The following DLC1 variants were observed in gnomAD, a reference collection of about 807,000 sequenced individuals.
DLC1 encodes DLC1 Rho GTPase activating protein.
DLC1 carries 54 observed loss-of-function variants against 140.3 expected under a neutral mutation model. That is an observed-to-expected ratio of 0.38 (90% confidence interval 0.31 to 0.48). The LOEUF is 0.48. Ranked by LOEUF, DLC1 falls within the 20% of genes least tolerant of loss-of-function variation. The pLI, the probability that DLC1 is intolerant of heterozygous loss-of-function variation, is 0.96. For missense variants in DLC1, 2,536 were observed against 1,907.0 expected (o/e 1.33, Z -6.14); for synonymous variants, 986 against 728.1 (o/e 1.35, Z -5.70).
upstream of DLC1, among the ~76,000 whole-genome samples, chr8:13,518,791 G>GT (rs965158856): frequency 1.3e-5 from 2 of 152,096 alleles, no homozygotes; most frequent in African/African-American, 4.8e-5. Context: ...CATGCATACA[G>GT]TTAGTGTAAT....
intron 2 of DLC1, among the ~76,000 whole-genome samples, chr8:13,411,535 C>A (rs1228520357): frequency 6.6e-6 from 1 of 152,128 alleles, no homozygotes; most frequent in Non-Finnish European, 1.5e-5. Context: ...CTGATGTAAA[C>A]TATGAACTTT....
intron 4 of DLC1, among the ~76,000 whole-genome samples, chr8:13,356,224 C>A (rs186705478): frequency 4.4e-4 from 67 of 151,522 alleles, no homozygotes; most frequent in Middle Eastern, 3.4e-3. Context: ...AGCATTTGGC[C>A]AACTTCTATA....
chr8:13,579,523 T>C lies in DLC1; in HGVS notation c.-126+25014A>G, dbSNP rs1193699441. Among the ~76,000 whole-genome samples, 552 of 73,630 alleles carry C rather than the reference T, an allele frequency of 7.5e-3. 37 individuals are homozygous for C. Among genetic ancestry groups the C allele is most frequent in the African/African-American group, 9.4e-3 (183 of 19,540 alleles). The allele number at this position is 73,630 out of a possible 152,430, so 48.3% of individuals were successfully genotyped here. On this transcript the variant is annotated intron_variant, in intron 1 of 1. Transcript: ENST00000631382. ...ATTTTATATTATATATTTAATATAT[T>C]ATATTTTATATTATATATTTAATAT...
chr8:13,529,266 G>A (rs1044755486), intron 1 of DLC1, among the ~76,000 whole-genome samples: 16 of 152,192 alleles, frequency 1.1e-4, no homozygotes, highest in Admixed American at 3.3e-4. Flanking sequence ...GTGTAAGACA[G>A]TGTAATTAGG....
chr8:13,442,959 G>C (rs1412883441), intron 2 of DLC1, among the ~76,000 whole-genome samples: 1 of 152,200 alleles, frequency 6.6e-6, no homozygotes, highest in Non-Finnish European at 1.5e-5. Flanking sequence ...CAACCCAAAT[G>C]TCCAACAATG....
At chr8:13,501,666 G>T (rs1201910271) in intron 1 of DLC1, among the ~76,000 whole-genome samples, 1 of 152,126 alleles carries the variant, frequency 6.6e-6, no homozygotes, top group Non-Finnish European at 1.5e-5. Context: ...ATTGACATGT[G>T]CTAGAATTTT....
chr8:13,169,308 A>C (rs1404096687), intron 5 of DLC1, among the ~76,000 whole-genome samples: 1 of 152,184 alleles, frequency 6.6e-6, no homozygotes, highest in Non-Finnish European at 1.5e-5. Flanking sequence ...ATATTCAGGG[A>C]TTTAAATCCT....
chr8:13,597,698 T>C (rs1388873382), intron 1 of DLC1, among the ~76,000 whole-genome samples: 1 of 152,042 alleles, frequency 6.6e-6, no homozygotes, highest in Non-Finnish European at 1.5e-5. Context: ...GACATTATGA[T>C]ACAGAAAATG....
intron 4 of DLC1, among the ~76,000 whole-genome samples, chr8:13,383,310 T>A (rs929815289): frequency 6.6e-6 from 1 of 152,142 alleles, no homozygotes; most frequent in African/African-American, 2.4e-5. Context: ...AATGAGAGGG[T>A]CTACGGTTGT....
At position 13,345,547 on chromosome 8, in the gene DLC1, CTTTTTT is replaced by C. The variant is rs535092622; in HGVS notation, c.1315-40251_1315-40246del. On this transcript the variant is annotated intron_variant, in intron 4 of 17. Transcript: ENST00000276297. ...GATTATCTGAAATTTTTCACTCACA[CTTTTTT>C]TTTTTTTTTTTTTTTTTGGAGATGG... Among the ~76,000 whole-genome samples, 32 of 67,516 alleles carry C rather than the reference CTTTTTT, an allele frequency of 4.7e-4. 1 individual carries two copies. The highest frequency in any genetic ancestry group is 2.6e-3 in the East Asian group (5 of 1,888). 44.3% of individuals were successfully genotyped at this position (67,516 alleles called of 152,430 possible). A position where few individuals can be genotyped will look rare whatever the true frequency, so the allele number is the denominator to read the frequency against.
chr8:13,477,429 A>G (rs139718291), intron 2 of DLC1, among the ~76,000 whole-genome samples: 136 of 152,318 alleles, frequency 8.9e-4, no homozygotes, highest in African/African-American at 3.0e-3. Context: ...TGTACATTGT[A>G]TTTCTATAAG....
intron 4 of DLC1, among the ~76,000 whole-genome samples, chr8:13,376,266 T>A (rs747032365): frequency 3.3e-5 from 5 of 152,212 alleles, no homozygotes; most frequent in Non-Finnish European, 5.9e-5. Flanking sequence ...GTTATTTACT[T>A]GCTTTCTTTG....
intron 5 of DLC1, among the ~76,000 whole-genome samples, chr8:13,200,511 G>T (rs867241787): frequency 6.6e-6 from 1 of 152,138 alleles, no homozygotes; most frequent in Non-Finnish European, 1.5e-5. Flanking sequence ...AATAAAAGTA[G>T]ACTTAAATAC....
At chr8:13,548,757 A>T (rs773823902) in intron 1 of DLC1, among the ~76,000 whole-genome samples, 1 of 152,086 alleles carries the variant, frequency 6.6e-6, no homozygotes, top group Non-Finnish European at 1.5e-5. Flanking sequence ...ACATCAAGAT[A>T]GCCAGTAAAG....
chr8:13,438,094 C>A (rs1472038580), intron 2 of DLC1, among the ~76,000 whole-genome samples: 1 of 148,986 alleles, frequency 6.7e-6, no homozygotes, highest in Non-Finnish European at 1.5e-5. Flanking sequence ...CAATACTTTT[C>A]TCTAAAGCAA....
At chr8:13,188,132 G>A (rs1018077088) in intron 5 of DLC1, among the ~76,000 whole-genome samples, 2 of 140,286 alleles carry the variant, frequency 1.4e-5, no homozygotes, top group Admixed American at 1.6e-4. Context: ...TGCGCAGGCT[G>A]GAGTGCAATG....
Position 13,393,808 on chromosome 8 carries a change from A to G in DLC1, c.1174-115T>C, listed in dbSNP as rs946468056. ...TTCTCCCAGTGCACACTGATACACT[A>G]AAGAGTTGCTGACAACTGACAGTGA... On this transcript the variant is annotated intron_variant, in intron 3 of 17. Transcript: ENST00000276297. 23 of 1,251,702 alleles carry G rather than the reference A, an allele frequency of 1.8e-5. No homozygotes were observed. In the South Asian group the frequency reaches 1.9e-4, roughly 10 times the overall value. The allele number at this position is 1,251,702 out of a possible 1,614,324, so 77.5% of individuals were successfully genotyped here.
At chr8:13,529,099 A>G (rs1030484815) in intron 1 of DLC1, among the ~76,000 whole-genome samples, 1 of 152,232 alleles carries the variant, frequency 6.6e-6, no homozygotes, top group South Asian at 2.1e-4. Context: ...ACGATGTATA[A>G]GCGAACAGAA....
chr8:13,102,779 T>C lies in DLC1; in HGVS notation c.1566+11A>G. On this transcript the variant is annotated intron_variant, in intron 8 of 17. Transcript: ENST00000276297. ...TTCCCCCTCATTCTATTATGCAATT[T>C]GTATACTCACTCGTTTCCGATGAGG... 6.2e-7 allele frequency: 1 copy of C among 1,612,982 alleles called. No homozygotes were observed.
Sources: gnomAD v4.1 joint callset for allele counts (sites outside exome capture counted in the v4.1 genomes callset) on GRCh38, gnomAD v4.1.1 for gene constraint, MANE v1.5 for transcripts, NCBI Gene and HGNC (gene_info 2026-07-23, HGNC 2026-07-21) for gene names.